MVB12B: variants seen among roughly 807,000 people sequenced by gnomAD.
The protein encoded by MVB12B is ESCRT-I complex subunit MVB12B.
MVB12B carries 16 observed loss-of-function variants against 41.6 expected under a neutral mutation model. The observed-to-expected ratio is 0.38, with a 90% CI of 0.26 to 0.58. The LOEUF (loss-of-function observed/expected upper bound fraction) is 0.58, where lower values mean the gene tolerates loss of function less well. Ranked by LOEUF, MVB12B falls within the 20% of genes least tolerant of loss-of-function variation. The pLI, the probability that MVB12B is intolerant of heterozygous loss-of-function variation, is 0.62. For missense variants in MVB12B, 274 were observed against 380.2 expected, an observed-to-expected ratio of 0.72 and a Z score of 2.32; for synonymous variants, 133 against 139.7, an observed-to-expected ratio of 0.95 and a Z score of 0.34.
chr9:126,376,659 A>G lies in MVB12B; in HGVS notation c.205-4405A>G, dbSNP rs1292127129. ...CGCGGGTGGCAGGGAGGGGCCTGCC[A>G]TTGCCATTCAGTGTGTACGCTTGGT... On this transcript the variant is annotated intron_variant, in intron 2 of 9. Transcript: ENST00000361171. The surrounding 1 kb of genome is among the most constrained non-coding windows in gnomAD (Gnocchi z 4.1). The G allele has an allele frequency of 1.6e-6, 2 of 1,288,780 alleles. No homozygotes were observed. The highest frequency in any genetic ancestry group is 1.5e-5 in the African/African-American group (1 of 65,812). The allele number at this position is 1,288,780 out of a possible 1,614,324, so 79.8% of individuals were successfully genotyped here.
intron 2 of MVB12B, among the ~76,000 whole-genome samples, chr9:126,355,953 G>A (rs1022340893): frequency 3.3e-5 from 5 of 151,984 alleles, no homozygotes; most frequent in African/African-American, 4.8e-5. Flanking sequence ...TTCTCCCTTC[G>A]CTGCCTTCCT....
At chr9:126,421,126 C>T (rs1564322208) in intron 6 of MVB12B, among the ~76,000 whole-genome samples, 1 of 152,186 alleles carries the variant, frequency 6.6e-6, no homozygotes, top group East Asian at 1.9e-4. Flanking sequence ...TCACTACAGG[C>T]AGCTGGTGAC....
intron 2 of MVB12B, among the ~76,000 whole-genome samples, chr9:126,373,468 C>A (rs1185136039): frequency 6.6e-6 from 1 of 152,222 alleles, no homozygotes; most frequent in Non-Finnish European, 1.5e-5. Context: ...TCTTGTTCAT[C>A]GTGTCAGCCA....
chr9:126,365,487 C>A (rs1040593092), intron 2 of MVB12B, among the ~76,000 whole-genome samples: 1 of 151,954 alleles, frequency 6.6e-6, no homozygotes, highest in African/African-American at 2.4e-5. Flanking sequence ...CATCCACCAT[C>A]GTGCCCAGAT....
rs560956672 is a variant in MVB12B at position 126,346,893 on chromosome 9, A to T, written c.204+6263A>T. Reference sequence around the variant, plus strand: ...TGTCCATTGGGTTTAATGCAAGGAGATGGTTGTGAACTTGGTGGCAAGCTC... The same window carrying T: ...TGTCCATTGGGTTTAATGCAAGGAGTTGGTTGTGAACTTGGTGGCAAGCTC... On this transcript the variant is annotated intron_variant, in intron 2 of 9. Transcript: ENST00000361171. Among the ~76,000 whole-genome samples, 3 of 152,304 alleles carry T rather than the reference A, an allele frequency of 2.0e-5. No individual in the cohort carries two copies. The East Asian group carries it at 5.8e-4, about 29-fold the overall frequency.
chr9:126,348,667 A>C (rs35428354), intron 2 of MVB12B, among the ~76,000 whole-genome samples: 48,409 of 152,056 alleles, frequency 0.32, 7,952 homozygotes, highest in South Asian at 0.43. Flanking sequence ...CCTTCTAATA[A>C]TGAAACGTCA....
At chr9:126,488,700 A>T (rs1285975639) in intron 9 of MVB12B, among the ~76,000 whole-genome samples, 1 of 152,160 alleles carries the variant, frequency 6.6e-6, no homozygotes, top group Non-Finnish European at 1.5e-5. Flanking sequence ...TCTACTGAAG[A>T]GTGGTCCCAA....
At chr9:126,332,526 G>A (rs1829157402) in intron 1 of MVB12B, among the ~76,000 whole-genome samples, 1 of 152,182 alleles carries the variant, frequency 6.6e-6, no homozygotes, top group Admixed American at 6.5e-5. Flanking sequence ...TCTAAATCTG[G>A]AACTCCCTGG....
chr9:126,471,610 GC>G (rs1833316641), intron 7 of MVB12B, among the ~76,000 whole-genome samples: 1 of 152,144 alleles, frequency 6.6e-6, no homozygotes, highest in South Asian at 2.1e-4. Flanking sequence ...CACCAAGAAA[GC>G]AAAACAGGCT....
At chr9:126,467,783 C>T (rs1286815125) in intron 7 of MVB12B, among the ~76,000 whole-genome samples, 1 of 152,206 alleles carries the variant, frequency 6.6e-6, no homozygotes, top group African/African-American at 2.4e-5. Flanking sequence ...AACCTCTTTA[C>T]TTTCTGGCAC....
At chr9:126,454,557 A>G (rs920732575) in intron 7 of MVB12B, among the ~76,000 whole-genome samples, 38 of 152,218 alleles carry the variant, frequency 2.5e-4, no homozygotes, top group African/African-American at 9.2e-4. Flanking sequence ...GTCTTAGCCA[A>G]AGGAGTGCCC....
chr9:126,340,734 C>T lies in MVB12B; in HGVS notation c.204+104C>T. 1 of 1,368,342 alleles carries T rather than the reference C, an allele frequency of 7.3e-7. No individual in the cohort carries two copies. Among genetic ancestry groups the T allele is most frequent in the Middle Eastern group, 2.4e-4 (1 of 4,134 alleles). The allele number at this position is 1,368,342 out of a possible 1,614,324, so 84.8% of individuals were successfully genotyped here. ...CCTTGCGTGTAAGATGTGCTTCTTC[C>T]CTCTAGGAACTTAATCCAGGGAGGG... is the stretch of plus-strand genomic sequence containing the variant. On this transcript the variant is annotated intron_variant, in intron 2 of 9. Coordinates refer to ENST00000361171, the MANE Select transcript of MVB12B (RefSeq NM_033446.3). This position sits in a 1 kb window ranked among gnomAD's most constrained non-coding sequence, Gnocchi z 4.0.
chr9:126,378,104 G>A (rs1181324091), intron 2 of MVB12B, among the ~76,000 whole-genome samples: 1 of 152,222 alleles, frequency 6.6e-6, no homozygotes, highest in African/African-American at 2.4e-5. Context: ...TGCACGCAAA[G>A]CATTTGGTCC....
chr9:126,361,873 T>C (rs530033653), intron 2 of MVB12B, among the ~76,000 whole-genome samples: 1 of 147,254 alleles, frequency 6.8e-6, no homozygotes, highest in Non-Finnish European at 1.5e-5. Context: ...GTGATTGCGT[T>C]ACTGCACTCC....
rs142839620 is a variant in MVB12B, at chr9:126,430,177, C to T, written c.757+8229C>T. Among the ~76,000 whole-genome samples, 61 of 152,286 alleles carry T rather than the reference C, an allele frequency of 4.0e-4. No individual in the cohort carries two copies. In the East Asian group the frequency reaches 0.011, roughly 28 times the overall value. On this transcript the variant is annotated intron_variant, in intron 7 of 9. Coordinates refer to ENST00000361171, the MANE Select transcript of MVB12B (RefSeq NM_033446.3). ...ATCTCTCCAAAGACCTCCTTGGTCC[C>T]CTTGCTCCTCAGATCACACCTTTGT...
intron 7 of MVB12B, among the ~76,000 whole-genome samples, chr9:126,444,832 ATCT>A (rs1335006243): frequency 6.6e-6 from 1 of 152,142 alleles, no homozygotes; most frequent in Admixed American, 6.5e-5. Context: ...TTGTTAAATA[ATCT>A]TCTTTTAACC....
intron 7 of MVB12B, among the ~76,000 whole-genome samples, chr9:126,424,696 CTT>C (rs1832121378): frequency 6.6e-6 from 1 of 152,262 alleles, no homozygotes; most frequent in African/African-American, 2.4e-5. Flanking sequence ...GTATCTCTCT[CTT>C]GCCCACGGAA....
At chr9:126,496,453 C>G (rs1833838124) in intron 9 of MVB12B, among the ~76,000 whole-genome samples, 2 of 144,654 alleles carry the variant, frequency 1.4e-5, no homozygotes, top group Admixed American at 1.4e-4. Flanking sequence ...CACCCACCCA[C>G]CGCTACCCAC....
chr9:126,357,196 C>CTTGT (rs1001436828), intron 2 of MVB12B, among the ~76,000 whole-genome samples: 2 of 152,004 alleles, frequency 1.3e-5, no homozygotes, highest in Non-Finnish European at 2.9e-5. Context: ...TGAGTGTGTC[C>CTTGT]TTGTTTGTTT....
Sources: gnomAD v4.1 joint callset for allele counts (sites outside exome capture counted in the v4.1 genomes callset) on GRCh38, gnomAD v4.1.1 for gene constraint, Gnocchi (gnomAD v3.1) non-coding constraint, MANE v1.5 for transcripts, NCBI Gene and HGNC (gene_info 2026-07-23, HGNC 2026-07-21) for gene names.